Variants in VAT1L observed in about 807,000 individuals in gnomAD.
VAT1L encodes the protein vesicle amine transport 1 like.
In VAT1L, 34 loss-of-function variants were observed where a neutral mutation model predicts 44.1. The ratio of observed to expected loss-of-function variants is 0.77; its 90% CI spans 0.59 to 1.03. The LOEUF is 1.03. Ranked by LOEUF, VAT1L falls within the 50% of genes least tolerant of loss-of-function variation. VAT1L has a pLI of 0.00. For synonymous variants in VAT1L, 253 were observed against 202.2 expected (o/e 1.25, Z -2.13); for missense variants, 615 against 538.8 (o/e 1.14, Z -1.40).
rs546699720 is a variant in VAT1L at position 77,884,555 on chromosome 16, A to C, written c.883-53A>C. 33 of 1,560,192 alleles carry C rather than the reference A, an allele frequency of 2.1e-5. No individual in the cohort carries two copies. The highest frequency in any genetic ancestry group is 2.6e-5 in the Non-Finnish European group (30 of 1,149,332). Reference sequence around the variant, plus strand: ...ATGACATCAGCAATGCTGCCAATGTAGGCTTAACCCCGGTATTGAGTTCCT... The same window carrying C: ...ATGACATCAGCAATGCTGCCAATGTCGGCTTAACCCCGGTATTGAGTTCCT... On this transcript the variant is annotated intron_variant, in intron 6 of 8. Transcript: ENST00000302536. This position sits in a 1 kb window ranked among gnomAD's most constrained non-coding sequence, Gnocchi z 4.5.
chr16:77,852,332 A>G (rs2016816247), intron 3 of VAT1L, among the ~76,000 whole-genome samples: 1 of 152,080 alleles, frequency 6.6e-6, no homozygotes, highest in African/African-American at 2.4e-5. Flanking sequence ...CTTGATCCTG[A>G]AGCTGCCTGC....
chr16:77,848,444 A>G (rs758843610), intron 3 of VAT1L, among the ~76,000 whole-genome samples: 3 of 152,124 alleles, frequency 2.0e-5, no homozygotes, highest in Non-Finnish European at 4.4e-5. Flanking sequence ...GGATTGCCCC[A>G]TGTGGGACTA....
intron 7 of VAT1L, among the ~76,000 whole-genome samples, chr16:77,885,291 T>A (rs2017198596): frequency 6.6e-6 from 1 of 152,206 alleles, no homozygotes; most frequent in African/African-American, 2.4e-5. Context: ...GGATTGAGTC[T>A]TTTTGTTAGT....
At chr16:77,920,755 ATGCT>A (rs1261609658) in intron 7 of VAT1L, among the ~76,000 whole-genome samples, 1 of 152,156 alleles carries the variant, frequency 6.6e-6, no homozygotes, top group Non-Finnish European at 1.5e-5. Context: ...GTCCAGTAAC[ATGCT>A]GTACAGATTT....
At chr16:77,853,778 A>G (rs2016829796) in intron 3 of VAT1L, among the ~76,000 whole-genome samples, 1 of 152,130 alleles carries the variant, frequency 6.6e-6, no homozygotes, top group Admixed American at 6.6e-5. Context: ...TACAATGAAT[A>G]AAAGAGAAAA....
intron 3 of VAT1L, among the ~76,000 whole-genome samples, chr16:77,840,803 A>G (rs1465096407): frequency 1.3e-5 from 2 of 152,158 alleles, no homozygotes; most frequent in Non-Finnish European, 2.9e-5. Flanking sequence ...TCGAAGTCTC[A>G]GCTTGCTCAT....
At chr16:77,849,153 A>C (rs1194563254) in intron 3 of VAT1L, among the ~76,000 whole-genome samples, 1 of 152,210 alleles carries the variant, frequency 6.6e-6, no homozygotes, top group African/African-American at 2.4e-5. Context: ...ACAAACCTGC[A>C]CATTCTGCAC....
chr16:77,978,361 G>C lies in VAT1L; in HGVS notation c.*666G>C, dbSNP rs928269576. Reference sequence around the variant, plus strand: ...TATGGATTTTTCACAGTAGACAATGGGTCAACAGCATGAGTTTGAGGACCT... The same window carrying C: ...TATGGATTTTTCACAGTAGACAATGCGTCAACAGCATGAGTTTGAGGACCT... On this transcript the variant is annotated 3_prime_UTR_variant, in exon 9 of 9. Transcript: ENST00000302536. 1 of 152,266 alleles carries C rather than the reference G, an allele frequency of 6.6e-6. No homozygotes were observed. The highest frequency in any genetic ancestry group is 2.4e-5 in the African/African-American group (1 of 41,456). The allele number at this position is 152,266 out of a possible 1,614,324, so 9.4% of individuals were successfully genotyped here. A position where few individuals can be genotyped will look rare whatever the true frequency, so the allele number is the denominator to read the frequency against.
chr16:77,802,649 CACACACACACACACACACACT>C (rs1481667503), intron 1 of VAT1L, among the ~76,000 whole-genome samples: 8 of 149,452 alleles, frequency 5.4e-5, no homozygotes, highest in Admixed American at 4.0e-4. Context: ...CACACACACA[CACACACACACACACACACACT>C]AAAGTTGCAT....
At chr16:77,903,492 C>G (rs1022193037) in intron 7 of VAT1L, among the ~76,000 whole-genome samples, 4 of 151,994 alleles carry the variant, frequency 2.6e-5, no homozygotes, top group Non-Finnish European at 4.4e-5. Flanking sequence ...AATAATAGCA[C>G]TACTAGTTAC....
chr16:77,866,612 G>GAA (rs3038775), intron 4 of VAT1L, among the ~76,000 whole-genome samples: 8,337 of 115,152 alleles, frequency 0.072, 320 homozygotes, highest in Middle Eastern at 0.14. Context: ...CAATGAACCA[G>GAA]AAAAAAAAAA....
At chr16:77,947,723 G>A (rs1310651732) in intron 7 of VAT1L, among the ~76,000 whole-genome samples, 1 of 152,176 alleles carries the variant, frequency 6.6e-6, no homozygotes, top group Non-Finnish European at 1.5e-5. Flanking sequence ...TCTCTTGCCT[G>A]AGTGTATGCA....
intron 1 of VAT1L, among the ~76,000 whole-genome samples, chr16:77,797,022 G>C (rs939717185): frequency 6.6e-6 from 1 of 152,170 alleles, no homozygotes; most frequent in Non-Finnish European, 1.5e-5. Context: ...TAATGGTACA[G>C]TGGTCACTAC....
chr16:77,938,370 G>A (rs767726303), intron 7 of VAT1L, among the ~76,000 whole-genome samples: 46 of 152,160 alleles, frequency 3.0e-4, no homozygotes, highest in African/African-American at 1.0e-3. Context: ...AAAAAAATCT[G>A]TTTTCTAGAA....
intron 7 of VAT1L, among the ~76,000 whole-genome samples, chr16:77,959,582 C>T (rs1431203256): frequency 6.6e-6 from 1 of 152,006 alleles, no homozygotes; most frequent in East Asian, 1.9e-4. Context: ...CTTGATTTTT[C>T]CCCCTTTTTA....
intron 7 of VAT1L, among the ~76,000 whole-genome samples, chr16:77,935,622 G>A (rs1014364149): frequency 6.6e-6 from 1 of 151,922 alleles, no homozygotes; most frequent in African/African-American, 2.4e-5. Flanking sequence ...AGAGGGATGA[G>A]TGGGGGGAAG....
At chr16:77,806,401 A>G (rs1365390791) in intron 1 of VAT1L, among the ~76,000 whole-genome samples, 1 of 151,126 alleles carries the variant, frequency 6.6e-6, no homozygotes, top group African/African-American at 2.4e-5. Context: ...TAGTAGAGAC[A>G]GGTTTCACCA....
At chr16:77,908,598 G>T (rs17704486) in intron 7 of VAT1L, among the ~76,000 whole-genome samples, 7,489 of 151,488 alleles carry the variant, frequency 0.049, 255 homozygotes, top group Non-Finnish European at 0.068. Context: ...TTGTAGGATC[G>T]CCATGACCTG....
intron 7 of VAT1L, among the ~76,000 whole-genome samples, chr16:77,919,794 AAAAC>A (rs1300280703): frequency 6.6e-6 from 1 of 152,206 alleles, no homozygotes; most frequent in Non-Finnish European, 1.5e-5. Context: ...ATTTATCTAA[AAAAC>A]AAACCTTGGC....
Sources: allele counts gnomAD v4.1 joint callset (sites outside exome capture counted in the v4.1 genomes callset), GRCh38; gene constraint gnomAD v4.1.1; non-coding constraint Gnocchi (gnomAD v3.1); transcripts MANE v1.5; gene names NCBI Gene and HGNC (gene_info 2026-07-23, HGNC 2026-07-21).